Variants in DMD observed in about 807,000 individuals in gnomAD.
DMD encodes the protein dystrophin.
DMD carries 63 observed loss-of-function variants against 330.1 expected under a neutral mutation model. The observed-to-expected ratio is 0.19, with a 90% CI of 0.16 to 0.24. DMD has a LOEUF of 0.24. Among genes scored for constraint, DMD ranks in the 10% least tolerant of loss-of-function variants. The pLI is 1.00. For synonymous variants in DMD, 1,223 were observed against 959.8 expected (o/e 1.27, Z -5.07); for missense variants, 3,344 against 2,684.1 (o/e 1.25, Z -5.43).
chrX:32,669,905 G>A (rs895348579), intron 9 of DMD, among the ~76,000 whole-genome samples: 4 of 110,869 alleles, frequency 3.6e-5, no homozygotes, highest in East Asian at 5.7e-4. Context: ...TTTTCCAGCC[G>A]CCTCTCCTAC....
At chrX:32,152,562 A>G (rs1206839110) in intron 44 of DMD, among the ~76,000 whole-genome samples, 2 of 111,577 alleles carry the variant, frequency 1.8e-5, no homozygotes, top group African/African-American at 6.5e-5. Flanking sequence ...ACACATTTTT[A>G]TACTCAACTT....
chrX:32,993,690 C>CT (rs1193206646), intron 2 of DMD, among the ~76,000 whole-genome samples: 1 of 110,137 alleles, frequency 9.1e-6, no homozygotes, highest in African/African-American at 3.3e-5. Flanking sequence ...TTTTATAAAA[C>CT]TTTTGTTTTA....
intron 47 of DMD, among the ~76,000 whole-genome samples, chrX:31,893,828 T>G (rs987934644): frequency 9.0e-6 from 1 of 111,557 alleles, no homozygotes; most frequent in Non-Finnish European, 1.9e-5. Flanking sequence ...CCGCTACTTA[T>G]AGAATCCGAG....
At chrX:31,727,549 A>C (rs1407245438) in intron 52 of DMD, among the ~76,000 whole-genome samples, 1 of 112,185 alleles carries the variant, frequency 8.9e-6, no homozygotes, top group Non-Finnish European at 1.9e-5. Flanking sequence ...CTCATTCTTC[A>C]TCTGCCCATT....
intron 15 of DMD, among the ~76,000 whole-genome samples, chrX:32,571,480 T>A (rs1158608731): frequency 9.0e-6 from 1 of 111,590 alleles, no homozygotes; most frequent in Non-Finnish European, 1.9e-5. Flanking sequence ...CAACATCTTA[T>A]CCTCTGCCTA....
chrX:31,928,595 G>C (rs1200826502), intron 47 of DMD, among the ~76,000 whole-genome samples: 1 of 109,465 alleles, frequency 9.1e-6, no homozygotes, highest in Non-Finnish European at 1.9e-5. Flanking sequence ...GACACAGCGA[G>C]ACTCTGTCTC....
intron 45 of DMD, among the ~76,000 whole-genome samples, chrX:31,941,442 G>A (rs993910711): frequency 9.0e-6 from 1 of 111,351 alleles, no homozygotes; most frequent in Non-Finnish European, 1.9e-5. Flanking sequence ...CACTCCCAGA[G>A]CGTATCAATA....
chrX:32,377,547 C>A (rs2097908660), intron 34 of DMD, among the ~76,000 whole-genome samples: 1 of 111,840 alleles, frequency 8.9e-6, no homozygotes, highest in South Asian at 3.7e-4. Flanking sequence ...ATGACATACA[C>A]ATGAATATGA....
chrX:32,605,172 A>C (rs2056583249), intron 12 of DMD, among the ~76,000 whole-genome samples: 2 of 111,354 alleles, frequency 1.8e-5, no homozygotes, highest in African/African-American at 6.5e-5. Context: ...ACAGTAACCA[A>C]AACAGTATGG....
intron 44 of DMD, among the ~76,000 whole-genome samples, chrX:32,207,400 C>G (rs1013204525): frequency 9.0e-6 from 1 of 111,638 alleles, no homozygotes; most frequent in Non-Finnish European, 1.9e-5. Flanking sequence ...GTTAGACTTC[C>G]TAGTCTCCAG....
intron 44 of DMD, among the ~76,000 whole-genome samples, chrX:32,173,560 A>G (rs1000919089): frequency 9.1e-6 from 1 of 109,885 alleles, no homozygotes; most frequent in African/African-American, 3.3e-5. Flanking sequence ...TTTAGTAGAG[A>G]CGGAGTTTCA....
At chrX:31,132,759 G>A (rs749164300) in intron 77 of DMD, among the ~76,000 whole-genome samples, 2 of 110,589 alleles carry the variant, frequency 1.8e-5, no homozygotes, top group East Asian at 5.7e-4. Context: ...GAGGAGACAC[G>A]TGAAAGCACC....
chrX:33,269,987 T>C (rs2053125057), intron 1 of DMD, among the ~76,000 whole-genome samples: 1 of 109,926 alleles, frequency 9.1e-6, no homozygotes, highest in Admixed American at 9.8e-5. Context: ...TAATCACAGA[T>C]TTATAATGAT....
At chrX:33,094,419 C>G (rs1184577128) in intron 1 of DMD, among the ~76,000 whole-genome samples, 1 of 111,873 alleles carries the variant, frequency 8.9e-6, no homozygotes. Context: ...CTAAATTAGG[C>G]TAGAAGAAAT....
At chrX:32,218,658 C>T (rs899999257) in intron 43 of DMD, among the ~76,000 whole-genome samples, 1 of 112,026 alleles carries the variant, frequency 8.9e-6, no homozygotes, top group Admixed American at 9.5e-5. Flanking sequence ...AGGCACCGGG[C>T]TCTGTGCTTT....
chrX:31,729,580 A>C, intron 52 of DMD, 51 bp downstream of exon 52: 1 of 959,986 alleles, frequency 1.0e-6, no homozygotes. Flanking sequence ...TTTTTATTGA[A>C]ACTTGTCATG....
rs1026555040 is a variant in DMD at position 31,195,515 on chromosome X, G to A, written c.9807+8446C>T. Among the ~76,000 whole-genome samples the A allele has an allele frequency of 3.6e-5, 4 of 111,287 alleles. No individual in the cohort carries two copies. The East Asian group carries it at 8.4e-4, about 23-fold the overall frequency. Reference sequence around the variant, plus strand: ...TACTTTCCCAAGTGTGGATCAGGGCGCATTATGTAAAAGAACAAGATATAA... The same window carrying A: ...TACTTTCCCAAGTGTGGATCAGGGCACATTATGTAAAAGAACAAGATATAA... On this transcript the variant is annotated intron_variant, in intron 67 of 78. Transcript: ENST00000357033.
At chrX:31,299,734 C>T (rs1179303239) in intron 62 of DMD, among the ~76,000 whole-genome samples, 6 of 99,724 alleles carry the variant, frequency 6.0e-5, no homozygotes, top group African/African-American at 2.3e-4. Context: ...CGAGATCGCA[C>T]CACTGCACTC....
Position 31,932,094 on chromosome X carries a change from G to A in DMD, c.6748C>T (p.Leu2250Phe), listed in dbSNP as rs1261686336. ...AATAAAATTACCTTGACTTGCTCAAGCTTTTCTTTTAGTTGCTGCTCTTTT... is the reference window on the plus strand; with the variant it reads ...AATAAAATTACCTTGACTTGCTCAAACTTTTCTTTTAGTTGCTGCTCTTTT... ...PGKEQQLKEK[L>F]EQVKLLVEEL... Residue 2250 changes from leucine to phenylalanine, a missense_variant, in exon 46 of 79, where the codon CTT becomes TTT. Physicochemically the swap from Leu to Phe is conservative, Grantham distance 22. Coordinates refer to ENST00000357033, the MANE Select transcript of DMD (RefSeq NM_004006.3). 1.7e-6 allele frequency: 2 copies of A among 1,209,361 alleles called. No homozygotes were observed. The highest frequency in any genetic ancestry group is 1.8e-5 in the African/African-American group (1 of 57,130).
Sources: gnomAD v4.1 joint callset for allele counts (sites outside exome capture counted in the v4.1 genomes callset) on GRCh38, gnomAD v4.1.1 for gene constraint, MANE v1.5 for transcripts, NCBI Gene and HGNC (gene_info 2026-07-23, HGNC 2026-07-21) for gene names.